Variants in AHSA1 observed in about 807,000 individuals in gnomAD.
AHSA1 encodes the protein activator of HSP90 ATPase activity 1.
A neutral mutation model predicts 46.1 loss-of-function variants in AHSA1; 14 were observed. The observed-to-expected ratio is 0.30, with a 90% CI of 0.20 to 0.47. The LOEUF is 0.47. Among genes scored for constraint, AHSA1 ranks in the 20% least tolerant of loss-of-function variants. AHSA1 has a pLI of 0.99. For missense variants in AHSA1, 333 were observed against 415.9 expected, an observed-to-expected ratio of 0.80 and a Z score of 1.73; for synonymous variants, 147 against 145.8, an observed-to-expected ratio of 1.01 and a Z score of -0.06.
At chr14:77,465,445 T>A in intron 5 of AHSA1, 94 bp from the exon 6 acceptor site, 1 of 1,418,452 alleles carries the variant, frequency 7.0e-7, no homozygotes, top group East Asian at 2.3e-5. Flanking sequence ...GTGAACATTT[T>A]TATGAGAATG....
At position 77,469,101 on chromosome 14, in the gene AHSA1, C is replaced by T; in HGVS notation, c.869C>T (p.Thr290Ile). 1.2e-6 allele frequency: 2 copies of T among 1,614,172 alleles called. No homozygotes were observed. The highest frequency in any genetic ancestry group is 1.1e-5 in the South Asian group (1 of 91,084). ...PEGHFATITL[T>I]FIDKNGETEL... is the part of the protein sequence containing the mutation. ...GGACACTTTGCCACCATCACCTTGA[C>T]CTTCATCGACAAGAACGGAGAGACT... The change falls in exon 9 of 9, where the codon ACC (threonine) becomes ATC (isoleucine). Residue 290 changes from threonine to isoleucine, a missense_variant. Thr to Ile is a moderately conservative substitution (Grantham distance 89). Transcript: ENST00000216479.
intron 1 of AHSA1, 94 bp from the exon 2 acceptor site, chr14:77,459,520 CTA>C: frequency 7.8e-7 from 1 of 1,279,940 alleles, no homozygotes; most frequent in Non-Finnish European, 1.1e-6. Context: ...TCTTTTCAAA[CTA>C]TTTGTCAGGC....
chr14:77,465,540 C>CT lies in AHSA1; in HGVS notation c.564dup (p.Lys189Ter). 2 of 1,613,750 alleles carry CT rather than the reference C, an allele frequency of 1.2e-6. No homozygotes were observed. The highest frequency in any genetic ancestry group is 1.7e-6 in the Non-Finnish European group (2 of 1,179,686). ...TCATTTTCACTGCCACCTTCACAGGCTAAGCCTGCTCCTTCAAAAACCCAG... is the reference window on the plus strand; with the variant it reads ...TCATTTTCACTGCCACCTTCACAGGCTTAAGCCTGCTCCTTCAAAAACCCAG... On this transcript the variant is annotated frameshift_variant and splice_region_variant, in exon 6 of 9. Transcript: ENST00000216479. LOFTEE classifies it high-confidence loss of function.
chr14:77,467,373 TG>T (rs1014331572), intron 6 of AHSA1, among the ~76,000 whole-genome samples: 28 of 152,042 alleles, frequency 1.8e-4, no homozygotes, highest in African/African-American at 6.8e-4. Flanking sequence ...CACTTCGGCC[TG>T]GGCAACAGAG....
At chr14:77,460,994 C>CTTT (rs527633389) in intron 2 of AHSA1, among the ~76,000 whole-genome samples, 16,076 of 150,992 alleles carry the variant, frequency 0.11, 1,028 homozygotes, top group Middle Eastern at 0.31. Flanking sequence ...CCCGTCTCTA[C>CTTT]TAAAAATACA....
At chr14:77,461,090 C>T (rs981457103) in intron 2 of AHSA1, among the ~76,000 whole-genome samples, 4 of 151,710 alleles carry the variant, frequency 2.6e-5, no homozygotes, top group South Asian at 4.2e-4. Flanking sequence ...ACCCAGGAGG[C>T]GGAGGTTGCA....
chr14:77,462,380 G>C, intron 3 of AHSA1, 138 bp downstream of exon 3: 1 of 868,010 alleles, frequency 1.2e-6, no homozygotes, highest in East Asian at 2.6e-5. Context: ...AATTTTCTAG[G>C]CATATGGTGC....
chr14:77,458,345 C>G (rs2139931367), intron 1 of AHSA1, 76 bp downstream of exon 1: 1 of 1,465,080 alleles, frequency 6.8e-7, no homozygotes, highest in South Asian at 1.3e-5. Context: ...AGAACCTCGG[C>G]CCGGACAGAG....
chr14:77,468,992 G>A, intron 8 of AHSA1, 85 bp from the exon 9 acceptor site: 1 of 1,509,370 alleles, frequency 6.6e-7, no homozygotes, highest in Non-Finnish European at 9.1e-7. Context: ...ACAGGTGTGA[G>A]CCACCACGCC....
chr14:77,465,507 T>C (rs1395722963), intron 5 of AHSA1, 32 bp from the exon 6 acceptor site: 9 of 1,609,278 alleles, frequency 5.6e-6, no homozygotes, highest in Non-Finnish European at 7.6e-6. Flanking sequence ...ATCATTACTC[T>C]GTATTGATCA....
At chr14:77,466,028 A>G (rs2079046688) in intron 6 of AHSA1, among the ~76,000 whole-genome samples, 1 of 152,124 alleles carries the variant, frequency 6.6e-6, no homozygotes, top group Non-Finnish European at 1.5e-5. Context: ...GGGTTTCACC[A>G]TATTTTTTAG....
chr14:77,459,830 A>G, intron 2 of AHSA1, 24 bp downstream of exon 2: 1 of 1,612,366 alleles, frequency 6.2e-7, no homozygotes, highest in Non-Finnish European at 8.5e-7. Context: ...GGGCTGTCAG[A>G]GAGATTAACT....
Position 77,469,176 on chromosome 14 carries a change from C to T in AHSA1, c.944C>T (p.Thr315Met). The T allele has an allele frequency of 1.9e-6, 3 of 1,614,068 alleles. No homozygotes were observed. Among genetic ancestry groups the T allele is most frequent in the Non-Finnish European group, 2.5e-6 (3 of 1,180,016 alleles). The change falls in exon 9 of 9, where the codon ACG becomes ATG. Residue 315 changes from threonine to methionine, a missense_variant. Physicochemically the swap from Thr to Met is moderately conservative, Grantham distance 81. Transcript: ENST00000216479. ...ATCCCTGCTCCTGAGGAAGAGCGGA[C>T]GCGACAGGGCTGGCAGCGGTACTAC... The part of the protein sequence containing the change: ...RGIPAPEEER[T>M]RQGWQRYYFE...
rs2079056137 is a variant in AHSA1, at chr14:77,468,119, G to A, written c.727G>A (p.Glu243Lys). ...QAFTHAPATL[E>K]ADRGGKFHMV... ...CTTTACCCATGCTCCTGCAACATTA[G>A]AAGCAGACAGAGGTGGAAAGTTCCA... The change falls in exon 7 of 9, where the codon GAA becomes AAA. Residue 243 changes from glutamate (E) to lysine (K), a missense_variant. Glu to Lys is a moderately conservative substitution (Grantham distance 56). Transcript: ENST00000216479. 2 of 1,482,508 alleles carry A rather than the reference G, an allele frequency of 1.3e-6. No homozygotes were observed. Among genetic ancestry groups the A allele is most frequent in the Non-Finnish European group, 1.8e-6 (2 of 1,104,600 alleles). 91.8% of individuals were successfully genotyped at this position (1,482,508 alleles called of 1,614,324 possible).
In AHSA1 at chr14:77,468,452, T is replaced by G. The variant is rs1416091286; in HGVS notation, c.793-5T>G. The G allele has an allele frequency of 6.2e-7, 1 of 1,612,574 alleles. No individual in the cohort carries two copies. Among genetic ancestry groups the G allele is most frequent in the Non-Finnish European group, 8.5e-7 (1 of 1,178,916 alleles). On this transcript the variant is annotated splice_region_variant and splice_polypyrimidine_tract_variant and intron_variant, in intron 7 of 8. Transcript: ENST00000216479. ...AATATAGACTGAGCTGTTTGATTAT[T>G]TTAGGTCCCTGAGAAACATATTGTG... is the stretch of plus-strand genomic sequence containing the variant.
rs79975179 is a variant in AHSA1 at position 77,459,337 on chromosome 14, G to A, written c.81-279G>A. Among the ~76,000 whole-genome samples, 795 of 152,306 alleles carry A rather than the reference G, an allele frequency of 5.2e-3. 8 individuals are homozygous for A. Among genetic ancestry groups the A allele is most frequent in the African/African-American group, 0.018 (753 of 41,554 alleles). On this transcript the variant is annotated intron_variant, in intron 1 of 8. Transcript: ENST00000216479. ...GGTCAAATGGGGGCGCCATGTTAAA[G>A]TATCAAGTATTCCCCCGCACCATCA...
At chr14:77,461,316 G>A (rs1438310190) in intron 2 of AHSA1, among the ~76,000 whole-genome samples, 1 of 152,144 alleles carries the variant, frequency 6.6e-6, no homozygotes, top group African/African-American at 2.4e-5. Context: ...GGATCACGAG[G>A]TCAGGAATTG....
chr14:77,469,305 C>G lies in AHSA1; in HGVS notation c.*56C>G. On this transcript the variant is annotated 3_prime_UTR_variant, in exon 9 of 9. Transcript: ENST00000216479. ...ACACTTCAGTCCAGCTCTCTCCTGACTGGGGCTTGCGACTCACAGGATTGC... is the reference window on the plus strand; with the variant it reads ...ACACTTCAGTCCAGCTCTCTCCTGAGTGGGGCTTGCGACTCACAGGATTGC... The G allele has an allele frequency of 6.3e-7, 1 of 1,580,214 alleles. No homozygotes were observed. The highest frequency in any genetic ancestry group is 8.6e-7 in the Non-Finnish European group (1 of 1,160,630).
intron 5 of AHSA1, 27 bp from the exon 6 acceptor site, chr14:77,465,512 T>A: frequency 6.2e-7 from 1 of 1,611,794 alleles, no homozygotes; most frequent in South Asian, 1.1e-5. Context: ...TACTCTGTAT[T>A]GATCATTTTC....
Sources: gnomAD v4.1 joint callset for allele counts (sites outside exome capture counted in the v4.1 genomes callset) on GRCh38, gnomAD v4.1.1 for gene constraint, MANE v1.5 for transcripts, NCBI Gene and HGNC (gene_info 2026-07-23, HGNC 2026-07-21) for gene names.